CRYBG1: variants seen among roughly 807,000 people sequenced by gnomAD.
CRYBG1 encodes the protein beta/gamma crystallin domain-containing protein 1.
CRYBG1 carries 139 observed loss-of-function variants against 189.2 expected under a neutral mutation model. The ratio of observed to expected loss-of-function variants is 0.73; its 90% CI spans 0.64 to 0.85. The LOEUF is 0.85. CRYBG1 is among the 40% of genes least tolerant of loss of function. CRYBG1 has a pLI of 0.00. For missense variants in CRYBG1, 2,611 were observed against 2,675.8 expected, an observed-to-expected ratio of 0.98 and a Z score of 0.53; for synonymous variants, 1,023 against 1,017.1, an observed-to-expected ratio of 1.01 and a Z score of -0.11.
At chr6:106,488,721 C>T (rs1016084812) in intron 2 of CRYBG1, among the ~76,000 whole-genome samples, 1 of 152,130 alleles carries the variant, frequency 6.6e-6, no homozygotes, top group African/African-American at 2.4e-5. Flanking sequence ...TGGCTTGTGT[C>T]CCTGGGTGAT....
intron 1 of CRYBG1, among the ~76,000 whole-genome samples, chr6:106,387,680 G>C (rs955684929): frequency 1.3e-5 from 2 of 152,182 alleles, no homozygotes; most frequent in Non-Finnish European, 2.9e-5. Context: ...ACTCAATTGG[G>C]TTGAGTGAGG....
At chr6:106,511,335 C>T (rs1480556051) in intron 2 of CRYBG1, 95 bp from the exon 3 acceptor site, 6 of 1,086,756 alleles carry the variant, frequency 5.5e-6, no homozygotes. Flanking sequence ...AAACTCTGGT[C>T]TGTTATCATT....
chr6:106,411,604 T>C (rs115435230), intron 1 of CRYBG1, among the ~76,000 whole-genome samples: 1,895 of 152,302 alleles, frequency 0.012, 38 homozygotes, highest in African/African-American at 0.043. Context: ...ACCAATAGGA[T>C]ATATGTATAT....
intron 1 of CRYBG1, among the ~76,000 whole-genome samples, chr6:106,362,040 G>A (rs567805857): frequency 7.0e-6 from 1 of 142,620 alleles, no homozygotes; most frequent in South Asian, 2.3e-4. Context: ...GCCCAATCCC[G>A]GCTCACTGCA....
At chr6:106,383,179 A>G (rs1399579272) in intron 1 of CRYBG1, among the ~76,000 whole-genome samples, 2 of 152,190 alleles carry the variant, frequency 1.3e-5, no homozygotes, top group African/African-American at 4.8e-5. Flanking sequence ...AGTATTTCTC[A>G]AAATGTGTTA....
intron 1 of CRYBG1, among the ~76,000 whole-genome samples, chr6:106,428,739 C>T (rs1225326955): frequency 6.6e-6 from 1 of 152,148 alleles, no homozygotes; most frequent in African/African-American, 2.4e-5. Context: ...TCTAGGAACA[C>T]AAAGAAAATA....
chr6:106,565,708 C>CT (rs1774863559), intron 21 of CRYBG1, among the ~76,000 whole-genome samples: 4 of 152,146 alleles, frequency 2.6e-5, no homozygotes, highest in Non-Finnish European at 4.4e-5. Flanking sequence ...AGAAACCAAA[C>CT]AGTAACATAT....
intron 1 of CRYBG1, among the ~76,000 whole-genome samples, chr6:106,379,996 A>C (rs997960422): frequency 6.6e-6 from 1 of 152,230 alleles, no homozygotes; most frequent in African/African-American, 2.4e-5. Context: ...TGGCCATTGA[A>C]TCCTTAGTTT....
intron 1 of CRYBG1, among the ~76,000 whole-genome samples, chr6:106,429,101 G>A (rs1288253752): frequency 6.9e-6 from 1 of 145,682 alleles, no homozygotes; most frequent in African/African-American, 2.5e-5. Context: ...CAGAGTTGAT[G>A]ACCTGAACAT....
At chr6:106,380,359 G>T (rs1770261640) in intron 1 of CRYBG1, among the ~76,000 whole-genome samples, 1 of 152,116 alleles carries the variant, frequency 6.6e-6, no homozygotes, top group Admixed American at 6.5e-5. Flanking sequence ...CAAAATTCAG[G>T]GCTTGGATGT....
chr6:106,445,359 C>A (rs757475065), intron 1 of CRYBG1, among the ~76,000 whole-genome samples: 1 of 152,128 alleles, frequency 6.6e-6, no homozygotes, highest in African/African-American at 2.4e-5. Flanking sequence ...TGTCATTAGC[C>A]GTGTGACTTT....
chr6:106,553,903 G>T (rs1582835873), intron 16 of CRYBG1, among the ~76,000 whole-genome samples: 1 of 152,300 alleles, frequency 6.6e-6, no homozygotes, highest in Non-Finnish European at 1.5e-5. Flanking sequence ...TCGGCACTCT[G>T]CATTAACAGG....
At chr6:106,393,818 A>G (rs1330012011) in intron 1 of CRYBG1, among the ~76,000 whole-genome samples, 1 of 151,836 alleles carries the variant, frequency 6.6e-6, no homozygotes, top group African/African-American at 2.4e-5. Flanking sequence ...GACTACAGCC[A>G]TGTGCCACCA....
At position 106,433,728 on chromosome 6, in the gene CRYBG1, TATATATAC is replaced by T. The variant is rs200692666; in HGVS notation, c.174-17958_174-17951del. Among the ~76,000 whole-genome samples the T allele has an allele frequency of 7.0e-4, 37 of 52,770 alleles. 1 individual carries two copies. Among genetic ancestry groups the T allele is most frequent in the Admixed American group, 6.4e-3 (31 of 4,866 alleles). 34.6% of individuals were successfully genotyped at this position (52,770 alleles called of 152,430 possible). A position where few individuals can be genotyped will look rare whatever the true frequency, so the allele number is the denominator to read the frequency against. On this transcript the variant is annotated intron_variant, in intron 1 of 21. Transcript: ENST00000633556. ...TGCTAGAAACTGGGAAATATATATA[TATATATAC>T]ATATATATGTATATATATATGTGTA...
intron 1 of CRYBG1, among the ~76,000 whole-genome samples, chr6:106,365,230 A>T (rs1020502079): frequency 8.5e-5 from 13 of 152,102 alleles, no homozygotes; most frequent in African/African-American, 3.1e-4. Flanking sequence ...GGAGTTCAAG[A>T]CCAGCCTGGC....
intron 1 of CRYBG1, among the ~76,000 whole-genome samples, chr6:106,377,649 T>TATATATATATATATATATATA (rs1311795670): frequency 6.2e-5 from 8 of 129,974 alleles, no homozygotes; most frequent in African/African-American, 2.3e-4. Flanking sequence ...ATATATATAT[T>TATATATATATATATATATATA]TTCATTTGCA....
In CRYBG1 at chr6:106,571,293, G is replaced by A. The variant is rs1318624965; in HGVS notation, c.*2727G>A. 2 of 152,182 alleles carry A rather than the reference G, an allele frequency of 1.3e-5. No homozygotes were observed. Among genetic ancestry groups the A allele is most frequent in the Admixed American group, 1.3e-4 (2 of 15,282 alleles). The allele number at this position is 152,182 out of a possible 1,614,324, so 9.4% of individuals were successfully genotyped here. A position where few individuals can be genotyped will look rare whatever the true frequency, so the allele number is the denominator to read the frequency against. On this transcript the variant is annotated 3_prime_UTR_variant, in exon 22 of 22. Transcript: ENST00000633556. ...CACATTATGGTGGAGGAACAAAAAA[G>A]GAAACCTTGGCAGTTAGAAAGCTGC...
In CRYBG1 at chr6:106,569,731, C is replaced by G. The variant is rs1353605339; in HGVS notation, c.*1165C>G. On this transcript the variant is annotated 3_prime_UTR_variant, in exon 22 of 22. Coordinates refer to ENST00000633556, the MANE Select transcript of CRYBG1 (RefSeq NM_001371242.2). ...CCTAATTTCTTGTCCTCCTATCCACCTGCATCCACACATGGCCTGCATGGG... is the reference window on the plus strand; with the variant it reads ...CCTAATTTCTTGTCCTCCTATCCACGTGCATCCACACATGGCCTGCATGGG... 1.3e-5 allele frequency: 2 copies of G among 152,216 alleles called. No homozygotes were observed. The highest frequency in any genetic ancestry group is 4.8e-5 in the African/African-American group (2 of 41,450). 9.4% of individuals were successfully genotyped at this position (152,216 alleles called of 1,614,324 possible).
intron 1 of CRYBG1, among the ~76,000 whole-genome samples, chr6:106,386,201 C>CT (rs775628374): frequency 6.6e-6 from 1 of 152,172 alleles, no homozygotes; most frequent in Non-Finnish European, 1.5e-5. Flanking sequence ...ATGCAGCTTT[C>CT]TTTTTGTTGG....
Sources: gnomAD v4.1 joint callset for allele counts (sites outside exome capture counted in the v4.1 genomes callset) on GRCh38, gnomAD v4.1.1 for gene constraint, MANE v1.5 for transcripts, NCBI Gene and HGNC (gene_info 2026-07-23, HGNC 2026-07-21) for gene names.